ERICH1: variants seen among roughly 807,000 people sequenced by gnomAD.
ERICH1 encodes the protein glutamate-rich protein 1.
ERICH1 carries 56 observed loss-of-function variants against 39.6 expected under a neutral mutation model. That is an observed-to-expected ratio of 1.41 (90% CI 1.14 to 1.77). The LOEUF is 1.77. Among genes scored for constraint, ERICH1 ranks in the 40% most tolerant of loss-of-function variants. The pLI is 0.00. For synonymous variants in ERICH1, 313 were observed against 223.6 expected, an observed-to-expected ratio of 1.40 and a Z score of -3.57; for missense variants, 826 against 575.4, an observed-to-expected ratio of 1.44 and a Z score of -4.45.
intron 3 of ERICH1, among the ~76,000 whole-genome samples, chr8:677,366 G>A (rs946606318): frequency 2.0e-5 from 3 of 152,196 alleles, no homozygotes; most frequent in Non-Finnish European, 4.4e-5. Flanking sequence ...ACCGTGTCTT[G>A]TTGTGATTGG....
chr8:677,624 A>G (rs1464153520), intron 3 of ERICH1, among the ~76,000 whole-genome samples: 1 of 152,198 alleles, frequency 6.6e-6, no homozygotes, highest in East Asian at 1.9e-4. Flanking sequence ...TCTGCCCTGA[A>G]CACACTGATG....
At chr8:699,796 C>G (rs1811335013) in intron 2 of ERICH1, among the ~76,000 whole-genome samples, 4 of 72,354 alleles carry the variant, frequency 5.5e-5, no homozygotes, top group Admixed American at 1.7e-4. Context: ...CGCACAGACC[C>G]GCACACGCGC....
Position 666,307 on chromosome 8 carries a change from C to T in ERICH1, c.1259-1631G>A, listed in dbSNP as rs993406490. 6 of 152,272 alleles carry T rather than the reference C, an allele frequency of 3.9e-5. No homozygotes were observed. The East Asian group carries it at 5.8e-4, about 15-fold the overall frequency. 9.4% of individuals were successfully genotyped at this position (152,272 alleles called of 1,614,324 possible). A position where few individuals can be genotyped will look rare whatever the true frequency, so the allele number is the denominator to read the frequency against. On this transcript the variant is annotated intron_variant, in intron 5 of 5. Coordinates refer to ENST00000262109, the MANE Select transcript of ERICH1 (RefSeq NM_207332.3). Reference sequence around the variant, plus strand: ...ATTAAAAAAATTAAAAAGTTAAAATCGCTTACTTTCATCTCTCATAAAAAT... The same window carrying T: ...ATTAAAAAAATTAAAAAGTTAAAATTGCTTACTTTCATCTCTCATAAAAAT...
intron 3 of ERICH1, among the ~76,000 whole-genome samples, chr8:621,939 G>C (rs1797308305): frequency 6.6e-6 from 1 of 152,228 alleles, no homozygotes; most frequent in Non-Finnish European, 1.5e-5. Context: ...TTGTGGCTGA[G>C]TGTGGTGGCT....
At chr8:669,822 C>A (rs982137705) in intron 4 of ERICH1, among the ~76,000 whole-genome samples, 13 of 152,248 alleles carry the variant, frequency 8.5e-5, no homozygotes, top group African/African-American at 2.4e-4. Context: ...TCTTGTTTCT[C>A]TGGCTGCTGT....
At chr8:658,431 G>A (rs889088990) in intron 3 of ERICH1, among the ~76,000 whole-genome samples, 5 of 152,154 alleles carry the variant, frequency 3.3e-5, no homozygotes, top group African/African-American at 1.2e-4. Context: ...GTAAAGCAGG[G>A]GCTTCGACCT....
intron 2 of ERICH1, among the ~76,000 whole-genome samples, chr8:693,981 T>A (rs1235032140): frequency 7.0e-6 from 1 of 143,606 alleles, no homozygotes; most frequent in African/African-American, 2.5e-5. Flanking sequence ...CCTCTGTCAG[T>A]TTAGTCTTCC....
intron 3 of ERICH1, chr8:627,371 A>G: frequency 2.7e-6 from 1 of 370,630 alleles, no homozygotes; most frequent in Non-Finnish European, 5.5e-6. Flanking sequence ...AAAAGTCTGC[A>G]CCTCACTGAG....
intron 2 of ERICH1, among the ~76,000 whole-genome samples, 159 bp downstream of exon 2, chr8:715,702 G>C (rs957717852): frequency 6.6e-6 from 1 of 152,268 alleles, no homozygotes; most frequent in South Asian, 2.1e-4. Context: ...GGCAGAGCTT[G>C]TGTGGAGAGC....
At chr8:715,785 A>G in intron 2 of ERICH1, 76 bp downstream of exon 2, 2 of 1,534,292 alleles carry the variant, frequency 1.3e-6, no homozygotes, top group South Asian at 2.6e-5. Flanking sequence ...CAAAAGACAC[A>G]TTCTCCAAGG....
chr8:726,225 A>G (rs900639572), intron 1 of ERICH1, among the ~76,000 whole-genome samples: 8 of 152,246 alleles, frequency 5.3e-5, no homozygotes, highest in Non-Finnish European at 7.3e-5. Context: ...AGGGAGAGGC[A>G]GGTATCACAG....
intron 2 of ERICH1, among the ~76,000 whole-genome samples, chr8:712,493 G>A (rs563512991): frequency 5.3e-4 from 81 of 152,292 alleles, no homozygotes; most frequent in Middle Eastern, 3.4e-3. Flanking sequence ...GCAGTGACAT[G>A]ATCTCGGCTC....
intron 2 of ERICH1, among the ~76,000 whole-genome samples, chr8:697,501 G>A (rs1207730183): frequency 6.6e-6 from 1 of 152,174 alleles, no homozygotes; most frequent in Non-Finnish European, 1.5e-5. Flanking sequence ...GACTCCCAGT[G>A]ACAGGCCTGC....
intron 3 of ERICH1, among the ~76,000 whole-genome samples, chr8:641,776 C>T (rs1312298877): frequency 6.6e-6 from 1 of 152,132 alleles, no homozygotes; most frequent in South Asian, 2.1e-4. Context: ...TCTCAGATGC[C>T]GCCTTGTCTA....
chr8:652,546 C>T, intron 3 of ERICH1, among the ~76,000 whole-genome samples: 1 of 152,240 alleles, frequency 6.6e-6, no homozygotes, highest in East Asian at 1.9e-4. Context: ...AATCCCACCT[C>T]ATTCACTTTC....
intron 2 of ERICH1, among the ~76,000 whole-genome samples, chr8:698,619 T>A (rs925471020): frequency 2.6e-5 from 4 of 152,132 alleles, no homozygotes; most frequent in East Asian, 1.9e-4. Context: ...AAAACATTTT[T>A]AAAAAATTCT....
chr8:679,770 G>A (rs1805702334), intron 3 of ERICH1, among the ~76,000 whole-genome samples: 1 of 152,230 alleles, frequency 6.6e-6, no homozygotes, highest in African/African-American at 2.4e-5. Flanking sequence ...CCTCCACACT[G>A]GGGCTCCAGG....
chr8:641,743 C>A (rs950649581), intron 3 of ERICH1, among the ~76,000 whole-genome samples: 1 of 152,196 alleles, frequency 6.6e-6, no homozygotes, highest in African/African-American at 2.4e-5. Context: ...CGATTCCTCT[C>A]CTGTCTGCGT....
At chr8:704,571 G>A (rs1215967640) in intron 2 of ERICH1, among the ~76,000 whole-genome samples, 1 of 152,162 alleles carries the variant, frequency 6.6e-6, no homozygotes, top group Non-Finnish European at 1.5e-5. Flanking sequence ...GACTCAGCAA[G>A]AAACGGTGTT....
Sources: gnomAD v4.1 joint callset for allele counts (sites outside exome capture counted in the v4.1 genomes callset) on GRCh38, gnomAD v4.1.1 for gene constraint, MANE v1.5 for transcripts, NCBI Gene and HGNC (gene_info 2026-07-23, HGNC 2026-07-21) for gene names.